The following SH3RF2 variants were observed in gnomAD, a reference collection of about 807,000 sequenced individuals.
SH3RF2 encodes the protein E3 ubiquitin-protein ligase SH3RF2.
SH3RF2 carries 43 observed loss-of-function variants against 59.0 expected under a neutral mutation model. That is an observed-to-expected ratio of 0.73 (90% CI 0.57 to 0.94). SH3RF2 has a LOEUF of 0.94. SH3RF2 is among the 40% of genes least tolerant of loss of function. The pLI, the probability that SH3RF2 is intolerant of heterozygous loss-of-function variation, is 0.00. For missense variants in SH3RF2, 930 were observed against 940.1 expected, an observed-to-expected ratio of 0.99 and a Z score of 0.14; for synonymous variants, 391 against 391.5, an observed-to-expected ratio of 1.00 and a Z score of 0.01.
chr5:146,074,784 C>G (rs1377371073), intron 9 of SH3RF2, among the ~76,000 whole-genome samples: 1 of 151,882 alleles, frequency 6.6e-6, no homozygotes, highest in African/African-American at 2.4e-5. Flanking sequence ...CTCTCTCTCT[C>G]TCTCTCTCTC....
chr5:145,988,263 T>G (rs1021820509), intron 2 of SH3RF2, among the ~76,000 whole-genome samples: 3 of 151,730 alleles, frequency 2.0e-5, no homozygotes, highest in Admixed American at 1.3e-4. Flanking sequence ...GTCAAGCTTC[T>G]ACCGTTTGGC....
At chr5:146,008,290 G>C (rs969551553) in intron 4 of SH3RF2, among the ~76,000 whole-genome samples, 4 of 152,210 alleles carry the variant, frequency 2.6e-5, no homozygotes, top group Non-Finnish European at 5.9e-5. Context: ...GGACAGGGCA[G>C]ACGCAGAGTC....
downstream of SH3RF2, among the ~76,000 whole-genome samples, chr5:146,065,295 T>C (rs1318457186): frequency 2.0e-5 from 3 of 152,184 alleles, no homozygotes; most frequent in Non-Finnish European, 4.4e-5. Context: ...AGAAATGAGA[T>C]AAAGTCCCAA....
intron 2 of SH3RF2, among the ~76,000 whole-genome samples, chr5:145,974,475 G>C (rs1042140114): frequency 1.3e-5 from 2 of 152,066 alleles, no homozygotes; most frequent in Non-Finnish European, 2.9e-5. Context: ...AAAGAAGAGA[G>C]CAAGAAGAAA....
chr5:146,071,047 C>G (rs1013414056), intron 9 of SH3RF2, among the ~76,000 whole-genome samples: 3 of 152,194 alleles, frequency 2.0e-5, no homozygotes, highest in African/African-American at 7.2e-5. Context: ...TGGAGGCTAG[C>G]ACCATCCTAA....
Position 146,009,767 on chromosome 5 carries a change from A to G in SH3RF2, c.745-3980A>G, listed in dbSNP as rs565547998. ...TCCCCTACTTAATGAGTTTTTCACA[A>G]TACTATAAGCTTCTTGAAGCAAGAA... On this transcript the variant is annotated intron_variant, in intron 4 of 9. Transcript: ENST00000359120. Among the ~76,000 whole-genome samples, 30 of 152,324 alleles carry G rather than the reference A, an allele frequency of 2.0e-4. 1 individual carries two copies. The South Asian group carries it at 6.2e-3, about 32-fold the overall frequency.
intron 4 of SH3RF2, among the ~76,000 whole-genome samples, chr5:146,006,934 A>G (rs1388468040): frequency 1.3e-5 from 2 of 152,196 alleles, no homozygotes; most frequent in Non-Finnish European, 2.9e-5. Context: ...GTAGGGACGC[A>G]TGAAAAAGAG....
intron 9 of SH3RF2, among the ~76,000 whole-genome samples, chr5:146,070,949 C>T (rs1763220795): frequency 6.6e-6 from 1 of 152,154 alleles, no homozygotes; most frequent in East Asian, 1.9e-4. Flanking sequence ...TGTGTTAATG[C>T]TCTTGGAATC....
At chr5:146,033,245 C>G (rs1366247480) in intron 5 of SH3RF2, among the ~76,000 whole-genome samples, 7 of 152,102 alleles carry the variant, frequency 4.6e-5, no homozygotes, top group Non-Finnish European at 2.9e-5. Context: ...TTTTGGAACT[C>G]TGTTTTCATT....
intron 4 of SH3RF2, among the ~76,000 whole-genome samples, chr5:146,012,092 G>C (rs1278637340): frequency 1.3e-5 from 2 of 148,618 alleles, no homozygotes; most frequent in African/African-American, 2.6e-5. Flanking sequence ...TAGCATGAAG[G>C]GCTGTTGAAT....
intron 6 of SH3RF2, 72 bp from the exon 7 acceptor site, chr5:146,049,003 C>A: frequency 6.4e-7 from 1 of 1,563,796 alleles, no homozygotes; most frequent in Non-Finnish European, 8.8e-7. Flanking sequence ...CTCTCTCCAC[C>A]ATTCCCCCAC....
At chr5:146,033,170 T>C (rs1761800193) in intron 5 of SH3RF2, among the ~76,000 whole-genome samples, 1 of 152,198 alleles carries the variant, frequency 6.6e-6, no homozygotes, top group Non-Finnish European at 1.5e-5. Flanking sequence ...GAGGATTATA[T>C]GAGATAATAG....
exon 10 of SH3RF2, chr5:146,080,009 G>C (rs1318405069): frequency 6.6e-6 from 1 of 152,206 alleles, no homozygotes; most frequent in Non-Finnish European, 1.5e-5. Flanking sequence ...GAGGTATAGT[G>C]GAGGGTTTCA....
At chr5:146,025,490 T>C (rs111575155) in intron 5 of SH3RF2, among the ~76,000 whole-genome samples, 277 of 152,356 alleles carry the variant, frequency 1.8e-3, no homozygotes, top group African/African-American at 6.3e-3. Context: ...GGCCCAAGTT[T>C]GTTCAGCTTG....
At chr5:146,057,966 C>CTCTCTCTCTCTCTCTATCTA (rs796279528) in intron 8 of SH3RF2, among the ~76,000 whole-genome samples, 12 of 72,922 alleles carry the variant, frequency 1.6e-4, no homozygotes, top group African/African-American at 4.7e-4. Flanking sequence ...CTCTCTCTCT[C>CTCTCTCTCTCTCTCTATCTA]TCTATCTATC....
intron 5 of SH3RF2, among the ~76,000 whole-genome samples, chr5:146,038,083 G>A (rs1318765621): frequency 6.6e-6 from 1 of 152,086 alleles, no homozygotes; most frequent in Non-Finnish European, 1.5e-5. Context: ...AAAAAAATGT[G>A]ATATTTTCAA....
intron 4 of SH3RF2, among the ~76,000 whole-genome samples, chr5:146,005,073 T>C (rs775026769): frequency 6.6e-6 from 1 of 152,176 alleles, no homozygotes; most frequent in Non-Finnish European, 1.5e-5. Flanking sequence ...AGATTCTAGA[T>C]GCTTTTCATT....
intron 5 of SH3RF2, among the ~76,000 whole-genome samples, chr5:146,040,685 A>T (rs1454947709): frequency 1.3e-5 from 2 of 152,232 alleles, no homozygotes; most frequent in East Asian, 3.8e-4. Flanking sequence ...ACCTGCTGAC[A>T]GCTCATAAAT....
intron 2 of SH3RF2, among the ~76,000 whole-genome samples, chr5:145,956,242 G>A (rs898243147): frequency 6.6e-5 from 10 of 152,018 alleles, no homozygotes; most frequent in Non-Finnish European, 1.3e-4. Flanking sequence ...GATGTAACAG[G>A]ATTGACAGAA....
Sources: allele counts gnomAD v4.1 joint callset (sites outside exome capture counted in the v4.1 genomes callset), GRCh38; gene constraint gnomAD v4.1.1; transcripts MANE v1.5; gene names NCBI Gene and HGNC (gene_info 2026-07-23, HGNC 2026-07-21).